The following MARCHF1 variants were observed in gnomAD, a reference collection of about 807,000 sequenced individuals.
MARCHF1 encodes E3 ubiquitin-protein ligase MARCHF1.
A neutral mutation model predicts 54.2 loss-of-function variants in MARCHF1; 40 were observed. That is an observed-to-expected ratio of 0.74 (90% CI 0.57 to 0.96). The LOEUF (loss-of-function observed/expected upper bound fraction) is 0.96, where lower values mean the gene tolerates loss of function less well. Ranked by LOEUF, MARCHF1 falls within the 40% of genes least tolerant of loss-of-function variation. The pLI, the probability that MARCHF1 is intolerant of heterozygous loss-of-function variation, is 0.00. For missense variants in MARCHF1, 586 were observed against 656.5 expected (o/e 0.89, Z 1.17); for synonymous variants, 236 against 236.3 (o/e 1.00, Z 0.01).
chr4:163,973,601 G>A (rs1403635939), intron 3 of MARCHF1, among the ~76,000 whole-genome samples: 1 of 152,200 alleles, frequency 6.6e-6, no homozygotes, highest in Non-Finnish European at 1.5e-5. Context: ...AATACAGGGA[G>A]ATGAAAACAA....
chr4:164,177,806 G>GACACACACACACAC (rs3059817), intron 1 of MARCHF1, among the ~76,000 whole-genome samples: 40 of 149,200 alleles, frequency 2.7e-4, no homozygotes, highest in African/African-American at 8.6e-4. Flanking sequence ...GTATGAAAGA[G>GACACACACACACAC]ACACACACAC....
chr4:163,891,989 C>G (rs1016060699), intron 3 of MARCHF1, among the ~76,000 whole-genome samples: 2 of 151,852 alleles, frequency 1.3e-5, no homozygotes, highest in African/African-American at 2.4e-5. Context: ...TAAAAAGTCT[C>G]AATAGATTCA....
chr4:163,700,003 A>G (rs1194965126), intron 5 of MARCHF1, among the ~76,000 whole-genome samples: 1 of 151,554 alleles, frequency 6.6e-6, no homozygotes, highest in East Asian at 1.9e-4. Flanking sequence ...ACCTCTAAAT[A>G]TGGCCAAACT....
chr4:163,804,716 T>C (rs1554014776), intron 4 of MARCHF1, among the ~76,000 whole-genome samples: 3 of 152,138 alleles, frequency 2.0e-5, no homozygotes, highest in African/African-American at 4.8e-5. Context: ...ATCCATAGAA[T>C]AGAGAGCCAA....
intron 3 of MARCHF1, among the ~76,000 whole-genome samples, chr4:163,856,777 G>A (rs971901367): frequency 3.3e-5 from 5 of 152,260 alleles, no homozygotes; most frequent in Middle Eastern, 3.4e-3. Flanking sequence ...TTGGGAGGCC[G>A]AGGTGGGAGG....
At chr4:163,656,395 GA>G (rs1237559884) in intron 5 of MARCHF1, among the ~76,000 whole-genome samples, 1 of 151,938 alleles carries the variant, frequency 6.6e-6, no homozygotes, top group Admixed American at 6.6e-5. Flanking sequence ...AACAAGTTCT[GA>G]AATTGAGGCA....
intron 1 of MARCHF1, among the ~76,000 whole-genome samples, chr4:164,166,868 A>T (rs1730393856): frequency 6.9e-6 from 1 of 144,934 alleles, no homozygotes; most frequent in Non-Finnish European, 1.5e-5. Context: ...CTGATAAAGA[A>T]ATCAAGAAAA....
At chr4:164,205,775 G>C (rs1372767975) in intron 1 of MARCHF1, among the ~76,000 whole-genome samples, 2 of 151,796 alleles carry the variant, frequency 1.3e-5, no homozygotes, top group Non-Finnish European at 1.5e-5. Flanking sequence ...ATTTAACCTA[G>C]AGTACTATAT....
At chr4:163,875,503 T>G (rs1402092828) in intron 3 of MARCHF1, among the ~76,000 whole-genome samples, 1 of 151,478 alleles carries the variant, frequency 6.6e-6, no homozygotes, top group Admixed American at 6.6e-5. Flanking sequence ...TGCCACAACA[T>G]GCTATGAGAA....
At chr4:164,373,644 C>G (rs951401326) in intron 1 of MARCHF1, among the ~76,000 whole-genome samples, 1 of 151,850 alleles carries the variant, frequency 6.6e-6, no homozygotes, top group Non-Finnish European at 1.5e-5. Context: ...CGTGAGTCAC[C>G]GTGCCCAGCC....
At chr4:163,874,500 T>C (rs1750247638) in intron 3 of MARCHF1, among the ~76,000 whole-genome samples, 1 of 144,072 alleles carries the variant, frequency 6.9e-6, no homozygotes, top group Non-Finnish European at 1.6e-5. Context: ...CCTCCCACAC[T>C]TGATTTTTTT....
At chr4:163,769,699 T>A (rs1402700938) in intron 4 of MARCHF1, among the ~76,000 whole-genome samples, 1 of 152,184 alleles carries the variant, frequency 6.6e-6, no homozygotes, top group African/African-American at 2.4e-5. Flanking sequence ...TCTTTTAGAA[T>A]GGTCTGTGAA....
chr4:164,008,730 G>A (rs1257826781), intron 2 of MARCHF1, among the ~76,000 whole-genome samples: 8 of 152,050 alleles, frequency 5.3e-5, no homozygotes. Context: ...TACTTCTGAA[G>A]AACCAGTGAG....
chr4:164,050,878 AGCCGAGATTGT>A (rs1323120091), intron 2 of MARCHF1, among the ~76,000 whole-genome samples: 1 of 152,152 alleles, frequency 6.6e-6, no homozygotes, highest in East Asian at 1.9e-4. Context: ...GGTTGCGGTG[AGCCGAGATTGT>A]GCCATTGCAC....
intron 8 of MARCHF1, among the ~76,000 whole-genome samples, chr4:163,576,948 C>T (rs781717241): frequency 2.1e-4 from 32 of 151,858 alleles, no homozygotes; most frequent in Non-Finnish European, 4.4e-4. Flanking sequence ...CTATGTATGT[C>T]GTTACATGTG....
chr4:163,731,185 A>T lies in MARCHF1; in HGVS notation c.112-30322T>A, dbSNP rs149891137. Among the ~76,000 whole-genome samples, 248 of 152,342 alleles carry T rather than the reference A, an allele frequency of 1.6e-3. 3 individuals are homozygous for T. The highest frequency in any genetic ancestry group is 2.8e-3 in the Non-Finnish European group (188 of 68,026). On this transcript the variant is annotated intron_variant, in intron 4 of 9. Transcript: ENST00000514618. The stretch of plus-strand genomic sequence containing the variant: ...TACATATCCAATTAATTCTCTTCAT[A>T]GTAGCTGGAATCATTTTTAAAAAGT...
intron 4 of MARCHF1, among the ~76,000 whole-genome samples, chr4:163,832,835 C>T (rs1475972134): frequency 8.4e-5 from 5 of 59,440 alleles, no homozygotes; most frequent in Admixed American, 2.7e-4. Context: ...TGAGAACATG[C>T]GGTGTTTGGT....
chr4:164,242,908 C>T (rs1183882616), intron 1 of MARCHF1, among the ~76,000 whole-genome samples: 5 of 140,006 alleles, frequency 3.6e-5, no homozygotes, highest in South Asian at 2.5e-4. Context: ...TGAAATGAAG[C>T]GAGAAGGGAA....
chr4:164,116,224 AATAT>A (rs1159389672), intron 1 of MARCHF1, among the ~76,000 whole-genome samples: 1 of 152,174 alleles, frequency 6.6e-6, no homozygotes, highest in Non-Finnish European at 1.5e-5. Context: ...CATCATAATA[AATAT>A]ATAAATTCTA....
Sources: gnomAD v4.1 joint callset for allele counts (sites outside exome capture counted in the v4.1 genomes callset) on GRCh38, gnomAD v4.1.1 for gene constraint, MANE v1.5 for transcripts, NCBI Gene and HGNC (gene_info 2026-07-23, HGNC 2026-07-21) for gene names.